LYPLAL1: variants seen among roughly 807,000 people sequenced by gnomAD.
LYPLAL1 encodes the protein lysophospholipase like 1, also known as lysophospholipase-like protein 1.
Under a neutral mutation model 19.7 loss-of-function variants are expected in LYPLAL1, and 23 were observed. The ratio of observed to expected loss-of-function variants is 1.17; its 90% CI spans 0.84 to 1.65. The LOEUF (loss-of-function observed/expected upper bound fraction) is 1.65. Ranked by LOEUF, LYPLAL1 falls within the 40% of genes most tolerant of loss-of-function variation. LYPLAL1 has a pLI of 0.00. For missense variants in LYPLAL1, 355 were observed against 279.4 expected (o/e 1.27, Z -1.93); for synonymous variants, 119 against 96.3 (o/e 1.24, Z -1.38).
the LYPLAL1 span, among the ~76,000 whole-genome samples, chr1:219,370,958 A>G: frequency 1.3e-5 from 2 of 152,184 alleles, no homozygotes; most frequent in Admixed American, 1.3e-4. Context: ...AATGAGAAGA[A>G]GTATAAAGTA....
chr1:219,261,853 C>A, the LYPLAL1 span, among the ~76,000 whole-genome samples: 2 of 152,120 alleles, frequency 1.3e-5, no homozygotes, highest in African/African-American at 4.8e-5. Context: ...AATGAATTTC[C>A]CAGGTGTTCT....
At chr1:219,206,689 A>G (rs1658592892) in intron 3 of LYPLAL1, among the ~76,000 whole-genome samples, 1 of 151,514 alleles carries the variant, frequency 6.6e-6, no homozygotes, top group Non-Finnish European at 1.5e-5. Context: ...ATTCATAATG[A>G]CATTTTATGT....
At chr1:219,219,107 G>A in the LYPLAL1 span, among the ~76,000 whole-genome samples, 1 of 152,180 alleles carries the variant, frequency 6.6e-6, no homozygotes, top group African/African-American at 2.4e-5. Context: ...TCCATAGCTA[G>A]TGAATTGAGG....
intron 1 of LYPLAL1, 58 bp downstream of exon 1, chr1:219,174,039 T>G: frequency 6.2e-7 from 1 of 1,609,148 alleles, no homozygotes; most frequent in South Asian, 1.1e-5. Flanking sequence ...CTCCCCTCGG[T>G]TACCCCAGTA....
At chr1:219,234,828 G>A in the LYPLAL1 span, among the ~76,000 whole-genome samples, 1 of 152,088 alleles carries the variant, frequency 6.6e-6, no homozygotes, top group South Asian at 2.1e-4. Flanking sequence ...TGCACATTGA[G>A]CAGTCCCTAA....
the LYPLAL1 span, among the ~76,000 whole-genome samples, chr1:219,396,172 C>T: frequency 1.3e-5 from 2 of 151,446 alleles, no homozygotes; most frequent in African/African-American, 4.8e-5. Context: ...ATCCCAGCAT[C>T]ATTTATTGAA....
At chr1:219,190,622 T>TTAA (rs370179601) in intron 2 of LYPLAL1, among the ~76,000 whole-genome samples, 4 of 86,030 alleles carry the variant, frequency 4.6e-5, no homozygotes, top group Admixed American at 1.4e-4. Flanking sequence ...TTTTGTCCAG[T>TTAA]AAAAAAAAAA....
At chr1:219,306,798 A>T in the LYPLAL1 span, among the ~76,000 whole-genome samples, 2 of 149,514 alleles carry the variant, frequency 1.3e-5, no homozygotes, top group African/African-American at 5.0e-5. Context: ...ACATAGACAG[A>T]TGCATAGATA....
chr1:219,377,449 G>A, the LYPLAL1 span, among the ~76,000 whole-genome samples: 2 of 152,110 alleles, frequency 1.3e-5, no homozygotes, highest in Non-Finnish European at 2.9e-5. Flanking sequence ...TGTATTTAAT[G>A]TCACTGAACT....
the LYPLAL1 span, among the ~76,000 whole-genome samples, chr1:219,299,258 A>C: frequency 3.3e-5 from 5 of 151,942 alleles, no homozygotes; most frequent in Non-Finnish European, 7.4e-5. Flanking sequence ...GTTTCCACAG[A>C]TAACCAATTG....
the LYPLAL1 span, among the ~76,000 whole-genome samples, chr1:219,289,976 A>G: frequency 1.3e-5 from 2 of 152,150 alleles, no homozygotes; most frequent in Non-Finnish European, 2.9e-5. Flanking sequence ...CTGATCCACA[A>G]TCCTCTAAAT....
chr1:219,188,878 CAT>C lies in LYPLAL1; in HGVS notation c.192-4201_192-4200del, dbSNP rs568093205. Among the ~76,000 whole-genome samples, 1,042 of 151,752 alleles carry C rather than the reference CAT, an allele frequency of 6.9e-3. 3 individuals are homozygous for C. Among genetic ancestry groups the C allele is most frequent in the Non-Finnish European group, 0.01 (687 of 67,744 alleles). ...TGAGGAAGAAGGTGAATGAGTATAA[CAT>C]ATGTGATAGTTTTTAGCTGTTTAAA... On this transcript the variant is annotated intron_variant, in intron 2 of 4. Coordinates refer to ENST00000366928, the MANE Select transcript of LYPLAL1 (RefSeq NM_138794.5).
At chr1:219,177,344 T>C (rs1019662658) in intron 1 of LYPLAL1, among the ~76,000 whole-genome samples, 3 of 152,146 alleles carry the variant, frequency 2.0e-5, no homozygotes, top group African/African-American at 4.8e-5. Flanking sequence ...TTCCCCATAG[T>C]TTTCCCTTCT....
chr1:219,345,235 T>C, the LYPLAL1 span, among the ~76,000 whole-genome samples: 1 of 152,172 alleles, frequency 6.6e-6, no homozygotes, highest in Non-Finnish European at 1.5e-5. Context: ...TATTAGAAAA[T>C]AAACTCTCAT....
intron 2 of LYPLAL1, among the ~76,000 whole-genome samples, chr1:219,182,972 A>G (rs773519219): frequency 1.3e-5 from 2 of 152,164 alleles, no homozygotes; most frequent in African/African-American, 4.8e-5. Flanking sequence ...AATGAAATGT[A>G]TAAAAGCAGG....
chr1:219,225,022 CATT>C, the LYPLAL1 span, among the ~76,000 whole-genome samples: 1 of 152,128 alleles, frequency 6.6e-6, no homozygotes, highest in African/African-American at 2.4e-5. Flanking sequence ...ATGACCCACT[CATT>C]GTTAGCCCCT....
the LYPLAL1 span, among the ~76,000 whole-genome samples, chr1:219,431,347 G>A: frequency 3.3e-5 from 5 of 152,272 alleles, no homozygotes; most frequent in South Asian, 2.1e-4. Context: ...CCTGGACACC[G>A]ATTTGGATGA....
At chr1:219,432,838 T>C in the LYPLAL1 span, among the ~76,000 whole-genome samples, 1 of 152,208 alleles carries the variant, frequency 6.6e-6, no homozygotes, top group African/African-American at 2.4e-5. Flanking sequence ...ATGCACTGGT[T>C]ACTTCAGCCC....
the LYPLAL1 span, among the ~76,000 whole-genome samples, chr1:219,233,218 G>A: frequency 2.0e-5 from 3 of 152,266 alleles, no homozygotes; most frequent in East Asian, 5.8e-4. Context: ...CTACGACATG[G>A]ATGAACCTTG....
Sources: gnomAD v4.1 joint callset for allele counts (sites outside exome capture counted in the v4.1 genomes callset) on GRCh38, gnomAD v4.1.1 for gene constraint, MANE v1.5 for transcripts, NCBI Gene and HGNC (gene_info 2026-07-23, HGNC 2026-07-21) for gene names.